Variants in CNTN4 observed in about 807,000 individuals in gnomAD.
CNTN4 encodes the protein contactin-4.
Under a neutral mutation model 122.5 loss-of-function variants are expected in CNTN4, and 77 were observed. The ratio of observed to expected loss-of-function variants is 0.63; its 90% confidence interval spans 0.52 to 0.76. The LOEUF is 0.76. Ranked by LOEUF, CNTN4 falls within the 30% of genes least tolerant of loss-of-function variation. CNTN4 has a pLI of 0.00. For synonymous variants in CNTN4, 512 were observed against 447.0 expected (o/e 1.15, Z -1.83); for missense variants, 1,256 against 1,259.1 (o/e 1.00, Z 0.04).
At chr3:2,252,078 A>G (rs1041390346) in intron 2 of CNTN4, among the ~76,000 whole-genome samples, 1 of 151,982 alleles carries the variant, frequency 6.6e-6, no homozygotes, top group Non-Finnish European at 1.5e-5. Context: ...CTCAAACTCT[A>G]CATTCACATT....
intron 3 of CNTN4, among the ~76,000 whole-genome samples, chr3:2,441,342 G>A (rs1300034553): frequency 6.6e-6 from 1 of 152,154 alleles, no homozygotes; most frequent in East Asian, 1.9e-4. Context: ...TGAAGGACAG[G>A]TATCTTATTT....
chr3:2,712,173 T>C (rs1190967495), intron 4 of CNTN4, among the ~76,000 whole-genome samples: 1 of 152,228 alleles, frequency 6.6e-6, no homozygotes, highest in Non-Finnish European at 1.5e-5. Context: ...CACATTGTTA[T>C]AACTATTTTT....
At chr3:2,619,859 G>A (rs943753246) in intron 4 of CNTN4, among the ~76,000 whole-genome samples, 1 of 152,136 alleles carries the variant, frequency 6.6e-6, no homozygotes, top group African/African-American at 2.4e-5. Context: ...CATTTGTTGT[G>A]CCTTCATTTT....
intron 2 of CNTN4, among the ~76,000 whole-genome samples, chr3:2,134,693 G>A (rs1359108936): frequency 6.6e-6 from 1 of 152,116 alleles, no homozygotes; most frequent in Non-Finnish European, 1.5e-5. Flanking sequence ...GTGATTAGAG[G>A]CCAGGGATGC....
intron 3 of CNTN4, among the ~76,000 whole-genome samples, chr3:2,422,881 G>C (rs1424571216): frequency 6.6e-6 from 1 of 152,132 alleles, no homozygotes; most frequent in Non-Finnish European, 1.5e-5. Flanking sequence ...TTAATTAGTG[G>C]TGTGTTGTCC....
chr3:2,671,997 G>A (rs996898640), intron 4 of CNTN4, among the ~76,000 whole-genome samples: 6 of 152,288 alleles, frequency 3.9e-5, no homozygotes, highest in East Asian at 1.9e-4. Flanking sequence ...GAGGAGCACC[G>A]GCCATGTGAG....
At chr3:2,435,861 C>T (rs1270159092) in intron 3 of CNTN4, among the ~76,000 whole-genome samples, 1 of 152,244 alleles carries the variant, frequency 6.6e-6, no homozygotes, top group Non-Finnish European at 1.5e-5. Context: ...TCCCACAGAA[C>T]GTGGAGCACT....
intron 2 of CNTN4, among the ~76,000 whole-genome samples, chr3:2,264,627 T>G (rs2149775467): frequency 6.6e-6 from 1 of 152,264 alleles, no homozygotes; most frequent in East Asian, 1.9e-4. Flanking sequence ...TGTAGCTTCA[T>G]GCAATCCAAT....
chr3:2,230,109 G>A (rs9872233), intron 2 of CNTN4, among the ~76,000 whole-genome samples: 5,277 of 152,214 alleles, frequency 0.035, 312 homozygotes, highest in African/African-American at 0.12. Context: ...CCATTTCTGA[G>A]CAATCCCAGC....
intron 2 of CNTN4, among the ~76,000 whole-genome samples, chr3:2,113,035 A>T (rs978340435): frequency 2.0e-5 from 3 of 152,138 alleles, no homozygotes; most frequent in African/African-American, 7.2e-5. Flanking sequence ...TATACTTTCA[A>T]TGGAAAGGAT....
At chr3:2,214,953 CATA>C (rs2038775360) in intron 2 of CNTN4, among the ~76,000 whole-genome samples, 1 of 152,156 alleles carries the variant, frequency 6.6e-6, no homozygotes, top group Non-Finnish European at 1.5e-5. Flanking sequence ...ATATTCAAAA[CATA>C]ATGTACAGAA....
chr3:2,240,974 C>T (rs2039912109), intron 2 of CNTN4, among the ~76,000 whole-genome samples: 1 of 152,070 alleles, frequency 6.6e-6, no homozygotes, highest in African/African-American at 2.4e-5. Flanking sequence ...TAATGAAGTG[C>T]ATGCTTGATT....
chr3:2,940,910 T>A (rs2094609374), intron 13 of CNTN4, among the ~76,000 whole-genome samples: 1 of 152,192 alleles, frequency 6.6e-6, no homozygotes, highest in Non-Finnish European at 1.5e-5. Context: ...TGAATTGAGC[T>A]TTTTATATTT....
intron 13 of CNTN4, among the ~76,000 whole-genome samples, chr3:2,954,523 A>G (rs1351429391): frequency 2.0e-5 from 3 of 151,926 alleles, no homozygotes; most frequent in East Asian, 1.9e-4. Flanking sequence ...CATTCAGTCC[A>G]CAGAGAATCC....
At chr3:2,751,736 C>G (rs551866358) in intron 6 of CNTN4, among the ~76,000 whole-genome samples, 1 of 152,020 alleles carries the variant, frequency 6.6e-6, no homozygotes, top group Non-Finnish European at 1.5e-5. Flanking sequence ...TCTTTGTGCA[C>G]AGTCACTCAA....
At chr3:2,785,899 C>CCCT (rs2091797134) in intron 6 of CNTN4, among the ~76,000 whole-genome samples, 1 of 126,836 alleles carries the variant, frequency 7.9e-6, no homozygotes, top group Non-Finnish European at 1.7e-5. Context: ...CACGCTGCCC[C>CCCT]CCCCCGCCCC....
chr3:2,485,015 G>A (rs541635257), intron 3 of CNTN4, among the ~76,000 whole-genome samples: 7 of 152,310 alleles, frequency 4.6e-5, no homozygotes, highest in Admixed American at 3.9e-4. Context: ...GCGGGCTGGT[G>A]CCACTGGCCC....
chr3:2,455,524 A>G (rs570018099), intron 3 of CNTN4, among the ~76,000 whole-genome samples: 3 of 152,084 alleles, frequency 2.0e-5, no homozygotes, highest in South Asian at 2.1e-4. Context: ...TTTACTTCCC[A>G]TTACCGGAAA....
intron 13 of CNTN4, among the ~76,000 whole-genome samples, chr3:2,937,299 G>A (rs940490452): frequency 2.6e-5 from 4 of 152,154 alleles, no homozygotes; most frequent in African/African-American, 9.7e-5. Flanking sequence ...ACTTTTGCCA[G>A]GAAGAACTTC....
Sources: allele counts gnomAD v4.1 joint callset (sites outside exome capture counted in the v4.1 genomes callset), GRCh38; gene constraint gnomAD v4.1.1; transcripts MANE v1.5; gene names NCBI Gene and HGNC (gene_info 2026-07-23, HGNC 2026-07-21).